The following PTPN12 variants were observed in gnomAD, a reference collection of about 807,000 sequenced individuals.
PTPN12 encodes the protein tyrosine-protein phosphatase non-receptor type 12.
In PTPN12, 29 loss-of-function variants were observed where a neutral mutation model predicts 97.6. That is an observed-to-expected ratio of 0.30 (90% CI 0.22 to 0.41). The LOEUF is 0.41. Among genes scored for constraint, PTPN12 ranks in the 10% least tolerant of loss-of-function variants. PTPN12 has a pLI of 1.00. For synonymous variants in PTPN12, 327 were observed against 300.4 expected (o/e 1.09, Z -0.91); for missense variants, 819 against 926.0 (o/e 0.88, Z 1.50).
rs1414111010 is a variant in PTPN12 at position 77,639,795 on chromosome 7, G to GC, written c.*516dup. On this transcript the variant is annotated 3_prime_UTR_variant, in exon 18 of 18. Coordinates refer to ENST00000248594, the MANE Select transcript of PTPN12 (RefSeq NM_002835.4). ...TTGCTGGATTCATGCAGCCAGCTTT[G>GC]CAGGTTATCAGAGATCAAAGATTGT... 2 of 152,690 alleles carry GC rather than the reference G, an allele frequency of 1.3e-5. No individual in the cohort carries two copies. Among genetic ancestry groups the GC allele is most frequent in the African/African-American group, 2.4e-5 (1 of 41,436 alleles). The allele number at this position is 152,690 out of a possible 1,614,324, so 9.5% of individuals were successfully genotyped here.
chr7:77,567,708 C>T (rs2151315050), intron 1 of PTPN12, among the ~76,000 whole-genome samples: 1 of 152,230 alleles, frequency 6.6e-6, no homozygotes, highest in Non-Finnish European at 1.5e-5. Flanking sequence ...ATAAATTGAC[C>T]TGGAATATGC....
At position 77,537,317 on chromosome 7, in the gene PTPN12, T is replaced by G; in HGVS notation, c.-230T>G. On this transcript the variant is annotated 5_prime_UTR_variant, in exon 1 of 18. Transcript: ENST00000248594. ...GGCGCTAGCGCAGCGGCTCGCCTGG[T>G]ACTGTGGGAGAGCGGCGGCTGCTCC... 2.2e-6 allele frequency: 1 copy of G among 452,882 alleles called. No individual in the cohort carries two copies. Among genetic ancestry groups the G allele is most frequent in the South Asian group, 2.7e-5 (1 of 36,864 alleles). 28.1% of individuals were successfully genotyped at this position (452,882 alleles called of 1,614,324 possible).
chr7:77,557,692 G>A (rs1397803348), intron 1 of PTPN12, among the ~76,000 whole-genome samples: 2 of 152,098 alleles, frequency 1.3e-5, no homozygotes, highest in Non-Finnish European at 2.9e-5. Flanking sequence ...TTATAGAAAG[G>A]ATTTTTAAGA....
At chr7:77,569,145 C>G (rs966822235) in intron 1 of PTPN12, among the ~76,000 whole-genome samples, 4 of 152,138 alleles carry the variant, frequency 2.6e-5, no homozygotes, top group African/African-American at 9.7e-5. Flanking sequence ...ACCCATTTCC[C>G]TTCCCCACAG....
At chr7:77,560,679 G>C (rs1004875123) in intron 1 of PTPN12, among the ~76,000 whole-genome samples, 1 of 151,984 alleles carries the variant, frequency 6.6e-6, no homozygotes, top group Non-Finnish European at 1.5e-5. Context: ...GTGTATTTCA[G>C]TTAGCATAAT....
chr7:77,573,683 C>T (rs1312893947), intron 2 of PTPN12, among the ~76,000 whole-genome samples: 2 of 152,332 alleles, frequency 1.3e-5, no homozygotes, highest in African/African-American at 4.8e-5. Context: ...ATTATTCATG[C>T]ACACATTCAA....
In PTPN12 at chr7:77,627,482, T is replaced by C; in HGVS notation, c.1803T>C (p.Leu601=). 6.2e-7 allele frequency: 1 copy of C among 1,613,798 alleles called. No individual in the cohort carries two copies. The highest frequency in any genetic ancestry group is 8.5e-7 in the Non-Finnish European group (1 of 1,179,770). The change falls in exon 13 of 18, where the codon CTT becomes CTC. Residue 601 remains leucine, a synonymous_variant. Transcript: ENST00000248594. ...FRTPLSFTNP[L]HSDDSDSDER... is the part of the protein sequence containing the mutation. ...CACCCCTCAGTTTTACTAATCCACT[T>C]CACTCTGATGACTCAGACTCAGATG...
chr7:77,583,133 G>A (rs117763351), intron 3 of PTPN12, among the ~76,000 whole-genome samples: 2,787 of 152,226 alleles, frequency 0.018, 34 homozygotes, highest in Middle Eastern at 0.072. Flanking sequence ...AAACTTTTGA[G>A]TTGAATAGAT....
intron 9 of PTPN12, 141 bp from the exon 10 acceptor site, chr7:77,610,624 T>C: frequency 1.2e-6 from 1 of 850,420 alleles, no homozygotes; most frequent in Non-Finnish European, 1.8e-6. Flanking sequence ...CCAAGCACAG[T>C]GTCTGAGATG....
chr7:77,577,580 GAAC>G (rs760260092), intron 2 of PTPN12, among the ~76,000 whole-genome samples: 9 of 151,882 alleles, frequency 5.9e-5, no homozygotes, highest in Non-Finnish European at 1.2e-4. Flanking sequence ...ATGGATATAT[GAAC>G]AACATTATTG....
At chr7:77,564,754 T>TG (rs1808175250) in intron 1 of PTPN12, among the ~76,000 whole-genome samples, 1 of 61,296 alleles carries the variant, frequency 1.6e-5, no homozygotes, top group Non-Finnish European at 3.0e-5. Context: ...GTGTTTTTTT[T>TG]TTTTTTTTTT....
intron 1 of PTPN12, among the ~76,000 whole-genome samples, chr7:77,546,347 G>A (rs1204138148): frequency 2.0e-5 from 3 of 152,182 alleles, no homozygotes; most frequent in Admixed American, 6.5e-5. Context: ...AAGAAAAAAA[G>A]CCTTTCATTA....
At chr7:77,564,822 A>T (rs1476608915) in intron 1 of PTPN12, among the ~76,000 whole-genome samples, 1 of 121,610 alleles carries the variant, frequency 8.2e-6, no homozygotes, top group Non-Finnish European at 1.6e-5. Context: ...CAGTGGCACG[A>T]TCTCAGCTCA....
chr7:77,540,867 T>G (rs530075093), intron 1 of PTPN12, among the ~76,000 whole-genome samples: 11 of 152,318 alleles, frequency 7.2e-5, no homozygotes, highest in African/African-American at 2.4e-4. Context: ...GACTGAGCCT[T>G]AGAGATAATG....
intron 3 of PTPN12, among the ~76,000 whole-genome samples, chr7:77,581,980 T>G (rs1787530293): frequency 6.6e-6 from 1 of 151,954 alleles, no homozygotes; most frequent in South Asian, 2.1e-4. Flanking sequence ...AATGTAAAAC[T>G]TTTGGCAGTT....
At chr7:77,623,051 G>A (rs1789002357) in intron 12 of PTPN12, among the ~76,000 whole-genome samples, 1 of 150,814 alleles carries the variant, frequency 6.6e-6, no homozygotes, top group Admixed American at 6.6e-5. Context: ...AGAATTAAAG[G>A]GCATAAATTT....
At position 77,626,750 on chromosome 7, in the gene PTPN12, G is replaced by A. The variant is rs754211441; in HGVS notation, c.1071G>A (p.Pro357=). 1.6e-5 allele frequency: 25 copies of A among 1,611,506 alleles called. No individual in the cohort carries two copies. In the South Asian group the frequency reaches 2.1e-4, roughly 13 times the overall value. ...GDAKEEILQP[P]EPHPVPPILT... Reference sequence around the variant, plus strand: ...CTAAAGAAGAAATACTGCAGCCACCGGAACCTCATCCAGTGCCACCCATCT... The same window carrying A: ...CTAAAGAAGAAATACTGCAGCCACCAGAACCTCATCCAGTGCCACCCATCT... Residue 357 remains proline, a synonymous_variant, in exon 13 of 18, where the codon CCG becomes CCA. Coordinates refer to ENST00000248594, the MANE Select transcript of PTPN12 (RefSeq NM_002835.4).
In PTPN12 at chr7:77,537,476, C is replaced by T; in HGVS notation, c.-71C>T. The T allele has an allele frequency of 4.3e-6, 5 of 1,149,964 alleles. No individual in the cohort carries two copies. The highest frequency in any genetic ancestry group is 1.5e-5 in the South Asian group (1 of 68,472). 71.2% of individuals were successfully genotyped at this position (1,149,964 alleles called of 1,614,324 possible). On this transcript the variant is annotated 5_prime_UTR_variant, in exon 1 of 18. The change creates a new upstream start codon in the 5' untranslated region. Transcript: ENST00000248594. Reference sequence around the variant, plus strand: ...TGCTGGGGGAACGAGCTGGGGAAGACGGAGCGGGCTCTGTGCCGGGCGGGC... The same window carrying T: ...TGCTGGGGGAACGAGCTGGGGAAGATGGAGCGGGCTCTGTGCCGGGCGGGC...
intron 12 of PTPN12, among the ~76,000 whole-genome samples, chr7:77,620,565 A>G (rs1788897697): frequency 1.3e-5 from 2 of 152,260 alleles, no homozygotes. Flanking sequence ...AACTGAAAAT[A>G]AAATCACAAA....
Sources: allele counts gnomAD v4.1 joint callset (sites outside exome capture counted in the v4.1 genomes callset), GRCh38; gene constraint gnomAD v4.1.1; transcripts MANE v1.5; gene names NCBI Gene and HGNC (gene_info 2026-07-23, HGNC 2026-07-21).